The following COMMD10 variants were observed in gnomAD, a reference collection of about 807,000 sequenced individuals.
The protein encoded by COMMD10 is COMM domain containing 10.
COMMD10 carries 33 observed loss-of-function variants against 28.9 expected under a neutral mutation model. The ratio of observed to expected loss-of-function variants is 1.14; its 90% CI spans 0.87 to 1.53. COMMD10 has a LOEUF of 1.53. Ranked by LOEUF, COMMD10 falls within the 40% of genes most tolerant of loss-of-function variation. COMMD10 has a pLI of 0.00. For synonymous variants in COMMD10, 110 were observed against 81.7 expected (o/e 1.35, Z -1.87); for missense variants, 310 against 233.4 (o/e 1.33, Z -2.14).
At chr5:116,165,697 T>C (rs1392333524) in intron 5 of COMMD10, among the ~76,000 whole-genome samples, 1 of 149,548 alleles carries the variant, frequency 6.7e-6, no homozygotes, top group Non-Finnish European at 1.5e-5. Flanking sequence ...ATTGTTTCTT[T>C]TTCTTTTTTC....
intron 5 of COMMD10, among the ~76,000 whole-genome samples, chr5:116,229,456 C>T (rs1447048250): frequency 6.6e-6 from 1 of 152,038 alleles, no homozygotes; most frequent in African/African-American, 2.4e-5. Flanking sequence ...CTTGACAGCA[C>T]TGTAGCATTA....
rs1394784651 is a variant in COMMD10, at chr5:116,277,213, CATAAA to C, written c.511-14297_511-14293del. ...TAGTACACAATAGACATATTTCAAA[CATAAA>C]ATAAAACCTTATTAGCTCCAGATAT... On this transcript the variant is annotated intron_variant, in intron 5 of 6. Transcript: ENST00000274458. Among the ~76,000 whole-genome samples the C allele has an allele frequency of 3.3e-5, 5 of 151,902 alleles. No homozygotes were observed. The East Asian group carries it at 5.8e-4, about 18-fold the overall frequency.
At chr5:116,192,272 CCA>C (rs1491378683) in intron 5 of COMMD10, among the ~76,000 whole-genome samples, 3 of 142,514 alleles carry the variant, frequency 2.1e-5, no homozygotes, top group African/African-American at 2.7e-5. Flanking sequence ...ACCCCCCCCC[CCA>C]AAAATAACAC....
At chr5:116,194,555 C>G (rs930451262) in intron 5 of COMMD10, among the ~76,000 whole-genome samples, 3 of 152,124 alleles carry the variant, frequency 2.0e-5, no homozygotes, top group African/African-American at 7.2e-5. Flanking sequence ...TGCACATAAA[C>G]TAGAAAACCA....
chr5:116,114,205 G>C (rs776747449), intron 4 of COMMD10, among the ~76,000 whole-genome samples: 6 of 152,148 alleles, frequency 3.9e-5, no homozygotes, highest in Non-Finnish European at 5.9e-5. Flanking sequence ...CTAGGGCAGT[G>C]TGTGCTGGCA....
intron 4 of COMMD10, among the ~76,000 whole-genome samples, chr5:116,094,032 T>G (rs960792305): frequency 6.6e-6 from 1 of 152,124 alleles, no homozygotes. Flanking sequence ...CAAAATTGAT[T>G]AAAGACTTAA....
chr5:116,114,712 C>T (rs549121166), intron 4 of COMMD10, among the ~76,000 whole-genome samples: 106 of 152,154 alleles, frequency 7.0e-4, no homozygotes, highest in Non-Finnish European at 1.4e-3. Flanking sequence ...GGCTACTGGT[C>T]CCAGTGGTTT....
rs1053546810 is a variant in COMMD10 at position 116,102,403 on chromosome 5, C to T, written c.399+9703C>T. Among the ~76,000 whole-genome samples the T allele has an allele frequency of 6.6e-5, 10 of 152,200 alleles. No homozygotes were observed. The South Asian group carries it at 8.3e-4, about 13-fold the overall frequency. On this transcript the variant is annotated intron_variant, in intron 4 of 6. Transcript: ENST00000274458. ...TTATTTCTGGGTTTTCTAGTCTGTT[C>T]TCTTGATCTATGTGTCTATCTTTAT... is the stretch of plus-strand genomic sequence containing the variant.
chr5:116,153,570 G>C (rs1179562140), intron 5 of COMMD10, among the ~76,000 whole-genome samples: 4 of 152,060 alleles, frequency 2.6e-5, no homozygotes, highest in African/African-American at 9.7e-5. Flanking sequence ...ATATGTGCCA[G>C]GTATTGTTCT....
At position 116,224,779 on chromosome 5, in the gene COMMD10, G is replaced by C. The variant is rs1327743171; in HGVS notation, c.511-66738G>C. On this transcript the variant is annotated intron_variant, in intron 5 of 6. Coordinates refer to ENST00000274458, the MANE Select transcript of COMMD10 (RefSeq NM_016144.4). The stretch of plus-strand genomic sequence containing the variant: ...AAACCGTATCACCCGGGATATTGTT[G>C]ATGAAGTATTTGTTGATTGAATTAA... 2.6e-5 allele frequency among the ~76,000 whole-genome samples: 4 copies of C among 152,162 alleles called. No individual in the cohort carries two copies. In the East Asian group the frequency reaches 5.8e-4, roughly 22 times the overall value.
At chr5:116,195,360 A>T (rs1324058312) in intron 5 of COMMD10, among the ~76,000 whole-genome samples, 1 of 152,128 alleles carries the variant, frequency 6.6e-6, no homozygotes, top group Admixed American at 6.6e-5. Flanking sequence ...AAATTGGTAA[A>T]GAGAAAGACT....
chr5:116,128,843 T>C (rs140456824), intron 4 of COMMD10, among the ~76,000 whole-genome samples: 250 of 152,176 alleles, frequency 1.6e-3, no homozygotes, highest in African/African-American at 5.8e-3. Context: ...TGTTAATTCA[T>C]GATCAGATTT....
intron 4 of COMMD10, among the ~76,000 whole-genome samples, chr5:116,119,142 T>C (rs1396480): frequency 0.9 from 136,455 of 152,018 alleles, 61,390 homozygotes; most frequent in African/African-American, 0.94. Context: ...ATTGATGATT[T>C]CCCTCACTTC....
At position 116,160,931 on chromosome 5, in the gene COMMD10, T is replaced by G. The variant is rs1369127577; in HGVS notation, c.510+26753T>G. Among the ~76,000 whole-genome samples the G allele has an allele frequency of 2.0e-5, 3 of 152,140 alleles. No homozygotes were observed. In the East Asian group the frequency reaches 5.8e-4, roughly 29 times the overall value. Reference sequence around the variant, plus strand: ...GTGTTGAAAATATTGGTATGAGGCTTTTTTCCCCAGAAGGCTTTTTTCTTA... The same window carrying G: ...GTGTTGAAAATATTGGTATGAGGCTGTTTTCCCCAGAAGGCTTTTTTCTTA... On this transcript the variant is annotated intron_variant, in intron 5 of 6. Coordinates refer to ENST00000274458, the MANE Select transcript of COMMD10 (RefSeq NM_016144.4).
chr5:116,215,193 C>T (rs1229668366), intron 5 of COMMD10, among the ~76,000 whole-genome samples: 6 of 151,470 alleles, frequency 4.0e-5, no homozygotes, highest in African/African-American at 9.7e-5. Context: ...GTGTTTGAAT[C>T]GGCAAATGGG....
chr5:116,199,840 G>C (rs1006555289), intron 5 of COMMD10, among the ~76,000 whole-genome samples: 5 of 152,114 alleles, frequency 3.3e-5, no homozygotes, highest in Non-Finnish European at 7.4e-5. Context: ...CAATCCTCCA[G>C]AGTATCTGGG....
chr5:116,128,537 A>T (rs968041088), intron 4 of COMMD10, among the ~76,000 whole-genome samples: 3 of 42,670 alleles, frequency 7.0e-5, no homozygotes, highest in African/African-American at 1.2e-4. Context: ...TAGCTAACTT[A>T]AGGCAAAACT....
At chr5:116,121,603 G>A (rs62384716) in intron 4 of COMMD10, among the ~76,000 whole-genome samples, 11,407 of 152,244 alleles carry the variant, frequency 0.075, 504 homozygotes, top group Admixed American at 0.13. Flanking sequence ...CACCAACAGT[G>A]TAAAAGCATT....
chr5:116,100,261 A>C (rs924018203), intron 4 of COMMD10, among the ~76,000 whole-genome samples: 1 of 151,984 alleles, frequency 6.6e-6, no homozygotes, highest in Non-Finnish European at 1.5e-5. Flanking sequence ...TCATTTTGTT[A>C]AGTTTCCTTT....
Sources: allele counts gnomAD v4.1 joint callset (sites outside exome capture counted in the v4.1 genomes callset), GRCh38; gene constraint gnomAD v4.1.1; transcripts MANE v1.5; gene names NCBI Gene and HGNC (gene_info 2026-07-23, HGNC 2026-07-21).